Variants in SLC5A11 observed in about 807,000 individuals in gnomAD.
The protein encoded by SLC5A11 is solute carrier family 5 member 11, also known as sodium/myo-inositol cotransporter 2.
Under a neutral mutation model 69.8 loss-of-function variants are expected in SLC5A11, and 48 were observed. The observed-to-expected ratio is 0.69, with a 90% CI of 0.55 to 0.87. The LOEUF is 0.87. SLC5A11 is among the 40% of genes least tolerant of loss of function. SLC5A11 has a pLI of 0.00. For synonymous variants in SLC5A11, 319 were observed against 342.4 expected (o/e 0.93, Z 0.75); for missense variants, 784 against 866.1 (o/e 0.91, Z 1.19).
chr16:24,862,283 A>C (rs941511154), intron 2 of SLC5A11, among the ~76,000 whole-genome samples: 2 of 152,220 alleles, frequency 1.3e-5, no homozygotes, highest in Admixed American at 6.5e-5. Flanking sequence ...ACACTCAATA[A>C]ATGGTATCAG....
intron 10 of SLC5A11, among the ~76,000 whole-genome samples, chr16:24,901,855 CA>C (rs2049616482): frequency 6.6e-6 from 1 of 151,204 alleles, no homozygotes; most frequent in African/African-American, 2.4e-5. Context: ...GAGGCCAAGG[CA>C]GGAAGATCGC....
At chr16:24,873,455 A>G (rs2047466232) in intron 5 of SLC5A11, among the ~76,000 whole-genome samples, 1 of 151,980 alleles carries the variant, frequency 6.6e-6, no homozygotes, top group East Asian at 1.9e-4. Flanking sequence ...ACACAGTGAG[A>G]CCCCCATCTC....
At chr16:24,862,694 T>C (rs772637153) in intron 3 of SLC5A11, 22 bp downstream of exon 4, 5 of 1,603,972 alleles carry the variant, frequency 3.1e-6, no homozygotes, top group Non-Finnish European at 4.3e-6. Flanking sequence ...TTGGTTCAAT[T>C]AAAGTCACTT....
rs143560331 is a variant in SLC5A11 at position 24,850,508 on chromosome 16, G to A, written c.-25+4070G>A. The stretch of plus-strand genomic sequence containing the variant: ...CAGTCAGCGCCACTGCAGCCCAGGA[G>A]TGGTAGGAAAGGGTGCGAGTGGCTT... On this transcript the variant is annotated intron_variant, in intron 1 of 15. Transcript: ENST00000347898. Among the ~76,000 whole-genome samples the A allele has an allele frequency of 7.7e-3, 1,173 of 152,368 alleles. 24 individuals are homozygous for A. Among genetic ancestry groups the A allele is most frequent in the African/African-American group, 0.027 (1,128 of 41,594 alleles).
chr16:24,872,913 A>G (rs112994652), intron 5 of SLC5A11, among the ~76,000 whole-genome samples: 13 of 129,474 alleles, frequency 1.0e-4, no homozygotes, highest in African/African-American at 3.5e-4. Context: ...CAAGGCAGGC[A>G]GGTCACTTGA....
intron 15 of SLC5A11, 147 bp downstream of exon 16, chr16:24,910,624 C>A (rs17178990): frequency 0.06 from 53,569 of 892,460 alleles, 1,974 homozygotes; most frequent in Middle Eastern, 0.12. Context: ...GATCTGTCCC[C>A]ACGCTCCGGC....
chr16:24,871,467 T>G (rs2047295963), intron 4 of SLC5A11, among the ~76,000 whole-genome samples: 1 of 152,044 alleles, frequency 6.6e-6, no homozygotes, highest in Non-Finnish European at 1.5e-5. Flanking sequence ...AGACGGGAAT[T>G]TCACTATGTT....
chr16:24,910,610 G>A, intron 15 of SLC5A11, 133 bp downstream of exon 16: 1 of 995,796 alleles, frequency 1.0e-6, no homozygotes, highest in South Asian at 1.7e-5. Flanking sequence ...TGGCTCCAGT[G>A]TCTGATCTGT....
At chr16:24,880,797 G>A (rs1033457119) in intron 7 of SLC5A11, among the ~76,000 whole-genome samples, 4 of 152,014 alleles carry the variant, frequency 2.6e-5, no homozygotes, top group Admixed American at 1.3e-4. Context: ...GATTTGGGTG[G>A]GGACACAGAG....
chr16:24,902,213 A>G (rs2049682977), intron 10 of SLC5A11, among the ~76,000 whole-genome samples: 1 of 152,182 alleles, frequency 6.6e-6, no homozygotes, highest in Non-Finnish European at 1.5e-5. Context: ...GCTACTTCTG[A>G]CAAGGTTTCC....
chr16:24,857,125 G>C (rs562912474), intron 1 of SLC5A11, among the ~76,000 whole-genome samples: 5 of 152,308 alleles, frequency 3.3e-5, no homozygotes, highest in African/African-American at 9.6e-5. Context: ...CGGCCAAGGT[G>C]TACAGCTTCG....
chr16:24,885,837 A>G (rs1313123468), intron 8 of SLC5A11, among the ~76,000 whole-genome samples: 3 of 152,044 alleles, frequency 2.0e-5, no homozygotes, highest in African/African-American at 7.2e-5. Context: ...TGAAACATGT[A>G]TGAAAGATAG....
intron 5 of SLC5A11, among the ~76,000 whole-genome samples, chr16:24,873,278 G>GAAGGA (rs2047446597): frequency 6.7e-6 from 1 of 148,920 alleles, no homozygotes; most frequent in Non-Finnish European, 1.5e-5. Context: ...AGGAAGGAAG[G>GAAGGA]AAGGAAGGAA....
At chr16:24,909,829 TAAAAAAAAAAAAAA>T (rs3050359) in intron 14 of SLC5A11, among the ~76,000 whole-genome samples, 7 of 103,916 alleles carry the variant, frequency 6.7e-5, no homozygotes, top group Non-Finnish European at 1.2e-4. Context: ...AGCCTGTCTT[TAAAAAAAAAAAAAA>T]AAAAAAAAAG....
intron 3 of SLC5A11, among the ~76,000 whole-genome samples, chr16:24,867,575 A>G (rs1036121158): frequency 1.3e-5 from 2 of 152,194 alleles, no homozygotes; most frequent in African/African-American, 4.8e-5. Flanking sequence ...CAAAAAAATC[A>G]AAAGTTTGTT....
chr16:24,874,349 A>G (rs972293155), intron 5 of SLC5A11, among the ~76,000 whole-genome samples: 1 of 152,176 alleles, frequency 6.6e-6, no homozygotes, highest in Non-Finnish European at 1.5e-5. Flanking sequence ...ATCTACCTCT[A>G]AGTGGAATTT....
intron 4 of SLC5A11, among the ~76,000 whole-genome samples, chr16:24,871,460 C>T (rs111359063): frequency 4.9e-4 from 75 of 151,940 alleles, no homozygotes; most frequent in Non-Finnish European, 6.6e-4. Context: ...TTTGTAGAGA[C>T]GGGAATTTCA....
intron 5 of SLC5A11, among the ~76,000 whole-genome samples, chr16:24,873,368 G>A (rs1327820740): frequency 6.6e-6 from 1 of 151,844 alleles, no homozygotes; most frequent in Non-Finnish European, 1.5e-5. Flanking sequence ...CAGTGGCTCA[G>A]GGCCATAATC....
chr16:24,878,849 A>G (rs961211800), intron 7 of SLC5A11, among the ~76,000 whole-genome samples: 1 of 152,190 alleles, frequency 6.6e-6, no homozygotes. Context: ...CCTAGCCAAC[A>G]TGGCAAAACC....
Sources: gnomAD v4.1 joint callset for allele counts (sites outside exome capture counted in the v4.1 genomes callset) on GRCh38, gnomAD v4.1.1 for gene constraint, MANE v1.5 for transcripts, NCBI Gene and HGNC (gene_info 2026-07-23, HGNC 2026-07-21) for gene names.